Variants in ZHX2 observed in about 807,000 individuals in gnomAD.
ZHX2 encodes the protein zinc fingers and homeoboxes 2.
In ZHX2, 6 loss-of-function variants were observed where a neutral mutation model predicts 21.9. The observed-to-expected ratio is 0.27, with a 90% CI of 0.15 to 0.54. The LOEUF (loss-of-function observed/expected upper bound fraction) is 0.54. Among genes scored for constraint, ZHX2 ranks in the 20% least tolerant of loss-of-function variants. ZHX2 has a pLI of 0.95. For missense variants in ZHX2, 908 were observed against 1,090.7 expected (o/e 0.83, Z 2.36); for synonymous variants, 434 against 437.1 (o/e 0.99, Z 0.09).
intron 1 of ZHX2, among the ~76,000 whole-genome samples, chr8:122,796,741 G>T (rs1237290853): frequency 2.0e-5 from 3 of 152,172 alleles, no homozygotes; most frequent in Non-Finnish European, 4.4e-5. Flanking sequence ...TTCTCAAGGT[G>T]GTGGCTTAGG....
intron 1 of ZHX2, among the ~76,000 whole-genome samples, chr8:122,829,397 A>C (rs546481452): frequency 1.3e-5 from 2 of 152,398 alleles, no homozygotes; most frequent in African/African-American, 4.8e-5. Context: ...TCAAGAACTT[A>C]TAACAATGCT....
intron 1 of ZHX2, among the ~76,000 whole-genome samples, chr8:122,827,617 G>A (rs774461746): frequency 1.5e-4 from 23 of 151,770 alleles, no homozygotes; most frequent in Admixed American, 4.6e-4. Context: ...AGAATCTTTA[G>A]GGGAAAAAAA....
intron 1 of ZHX2, among the ~76,000 whole-genome samples, chr8:122,848,819 C>T (rs750340979): frequency 7.9e-5 from 12 of 152,348 alleles, no homozygotes; most frequent in Middle Eastern, 3.4e-3. Context: ...CCTCCGATCT[C>T]GGTCCTCATG....
chr8:122,967,111 A>G (rs988880090), intron 3 of ZHX2, among the ~76,000 whole-genome samples: 3 of 152,162 alleles, frequency 2.0e-5, no homozygotes, highest in African/African-American at 7.2e-5. Flanking sequence ...TGCCTCCTTG[A>G]GTAGCTGAAT....
chr8:122,888,617 G>T (rs969957282), intron 2 of ZHX2, among the ~76,000 whole-genome samples: 18 of 152,016 alleles, frequency 1.2e-4, no homozygotes, highest in African/African-American at 4.4e-4. Context: ...TGAGTAGCTG[G>T]GATTACAGGT....
chr8:122,832,182 A>G (rs1166881586), intron 1 of ZHX2, among the ~76,000 whole-genome samples: 1 of 152,134 alleles, frequency 6.6e-6, no homozygotes, highest in African/African-American at 2.4e-5. Flanking sequence ...AGATGGTTAG[A>G]CGGTGATGTG....
chr8:122,818,726 G>C (rs538366015), intron 1 of ZHX2, among the ~76,000 whole-genome samples: 2 of 152,308 alleles, frequency 1.3e-5, no homozygotes, highest in East Asian at 3.9e-4. Context: ...TTGTTTTAAT[G>C]CCGAGGACGT....
intron 2 of ZHX2, among the ~76,000 whole-genome samples, chr8:122,914,793 G>A (rs1325669349): frequency 6.6e-6 from 1 of 152,148 alleles, no homozygotes; most frequent in Non-Finnish European, 1.5e-5. Context: ...CTTTTCTGAT[G>A]TTCAGGGTCT....
chr8:122,940,259 A>G (rs867306554), intron 2 of ZHX2, among the ~76,000 whole-genome samples: 12 of 152,194 alleles, frequency 7.9e-5, no homozygotes, highest in African/African-American at 2.7e-4. Flanking sequence ...CTGATGGAGA[A>G]CAAGGCCCCT....
chr8:122,834,851 T>C (rs1818460597), intron 1 of ZHX2, among the ~76,000 whole-genome samples: 1 of 152,206 alleles, frequency 6.6e-6, no homozygotes, highest in East Asian at 1.9e-4. Flanking sequence ...TACCGCTTTA[T>C]GGGCACCCTT....
chr8:122,863,183 T>A (rs1245915278), intron 1 of ZHX2, among the ~76,000 whole-genome samples: 3 of 151,568 alleles, frequency 2.0e-5, no homozygotes, highest in African/African-American at 7.3e-5. Context: ...CACCCCTACA[T>A]CCGCCGATTT....
chr8:122,815,925 C>G (rs1035494591), intron 1 of ZHX2, among the ~76,000 whole-genome samples: 20 of 151,986 alleles, frequency 1.3e-4, no homozygotes, highest in Non-Finnish European at 2.8e-4. Context: ...ACTGAAAATA[C>G]AAAAATTAGC....
intron 2 of ZHX2, among the ~76,000 whole-genome samples, chr8:122,885,420 C>T (rs1348526106): frequency 3.9e-5 from 6 of 151,952 alleles, no homozygotes; most frequent in Non-Finnish European, 4.4e-5. Context: ...AGGGAGCCAT[C>T]GGGACGGTGG....
At chr8:122,817,878 TC>T (rs1459841675) in intron 1 of ZHX2, among the ~76,000 whole-genome samples, 1 of 152,190 alleles carries the variant, frequency 6.6e-6, no homozygotes, top group Admixed American at 6.5e-5. Flanking sequence ...GGCACCCCAC[TC>T]CTCTAGGATC....
intron 1 of ZHX2, among the ~76,000 whole-genome samples, chr8:122,846,665 A>G (rs1387976708): frequency 2.7e-5 from 4 of 146,722 alleles, no homozygotes; most frequent in African/African-American, 1.0e-4. Flanking sequence ...CCTTTGTCCT[A>G]TGATGGCTTC....
At chr8:122,808,400 C>T (rs1003531286) in intron 1 of ZHX2, among the ~76,000 whole-genome samples, 1 of 152,142 alleles carries the variant, frequency 6.6e-6, no homozygotes, top group African/African-American at 2.4e-5. Context: ...CAAACACATC[C>T]TTCTTCACAT....
At position 122,783,358 on chromosome 8, in the gene ZHX2, TTCTC is replaced by T. The variant is rs556576013; in HGVS notation, c.-283+1416_-283+1419del. ...TTCCCCAACCTGCTCTCTGATCACT[TTCTC>T]TCTGTTAAGTTACCAGATCTCCAGG... On this transcript the variant is annotated intron_variant, in intron 1 of 3. Coordinates refer to ENST00000314393, the MANE Select transcript of ZHX2 (RefSeq NM_014943.5). Among the ~76,000 whole-genome samples the T allele has an allele frequency of 6.6e-3, 1,002 of 152,192 alleles. 8 individuals carry two copies. Among genetic ancestry groups the T allele is most frequent in the Non-Finnish European group, 7.9e-3 (538 of 68,012 alleles).
At chr8:122,947,118 TAGTC>T (rs1283710222) in intron 2 of ZHX2, among the ~76,000 whole-genome samples, 8 of 117,298 alleles carry the variant, frequency 6.8e-5, no homozygotes, top group African/African-American at 1.9e-4. Flanking sequence ...AAAAAAAAAT[TAGTC>T]AGGCATGGTG....
intron 2 of ZHX2, among the ~76,000 whole-genome samples, chr8:122,894,164 G>A (rs890620292): frequency 2.6e-5 from 4 of 152,238 alleles, no homozygotes; most frequent in Non-Finnish European, 5.9e-5. Context: ...TGGGGGCAGG[G>A]GATGCCAGGC....
Sources: gnomAD v4.1 joint callset for allele counts (sites outside exome capture counted in the v4.1 genomes callset) on GRCh38, gnomAD v4.1.1 for gene constraint, MANE v1.5 for transcripts, NCBI Gene and HGNC (gene_info 2026-07-23, HGNC 2026-07-21) for gene names.